The following TRPM5 variants were observed in gnomAD, a reference collection of about 807,000 sequenced individuals.
The protein encoded by TRPM5 is transient receptor potential cation channel subfamily M member 5.
Under a neutral mutation model 124.9 loss-of-function variants are expected in TRPM5, and 121 were observed. The observed-to-expected ratio is 0.97, with a 90% confidence interval of 0.84 to 1.13. TRPM5 has a LOEUF of 1.13. Among genes scored for constraint, TRPM5 ranks in the 50% most tolerant of loss-of-function variants. The pLI is 0.00. For synonymous variants in TRPM5, 781 were observed against 700.5 expected (o/e 1.11, Z -1.81); for missense variants, 1,643 against 1,589.1 (o/e 1.03, Z -0.58).
intron 14 of TRPM5, 55 bp downstream of exon 19, chr11:2,413,079 C>T: frequency 6.5e-7 from 1 of 1,541,578 alleles, no homozygotes; most frequent in Non-Finnish European, 8.8e-7. Context: ...AGAGTCCAGC[C>T]TCCCAGCCAC....
At chr11:2,423,405 G>T (rs1845799106), upstream of TRPM5, among the ~76,000 whole-genome samples, 1 of 152,194 alleles carries the variant, frequency 6.6e-6, no homozygotes, top group African/African-American at 2.4e-5. Flanking sequence ...CTTTTGTGGG[G>T]ATGACCTGGA....
chr11:2,433,225 C>T, the TRPM5 span, among the ~76,000 whole-genome samples: 524 of 152,384 alleles, frequency 3.4e-3, 2 homozygotes, highest in African/African-American at 0.012. Flanking sequence ...ATAGCAATGC[C>T]GCCATGAGGC....
the TRPM5 span, among the ~76,000 whole-genome samples, chr11:2,428,367 C>T: frequency 6.6e-6 from 1 of 152,188 alleles, no homozygotes; most frequent in Non-Finnish European, 1.5e-5. The surrounding 1 kb of genome is among the most constrained non-coding windows in gnomAD (Gnocchi z 4.0). Flanking sequence ...CCTCTCTAGT[C>T]TGGCCTGTCA....
In TRPM5 at chr11:2,413,332, G is replaced by A; in HGVS notation, c.2004-106C>T. 7 of 1,324,322 alleles carry A rather than the reference G, an allele frequency of 5.3e-6. No individual in the cohort carries two copies. In the South Asian group the frequency reaches 8.8e-5, roughly 17 times the overall value. The allele number at this position is 1,324,322 out of a possible 1,614,324, so 82.0% of individuals were successfully genotyped here. On this transcript the variant is annotated intron_variant, in intron 13 of 23. Coordinates refer to ENST00000155858, the Ensembl canonical transcript of TRPM5. Reference sequence around the variant, plus strand: ...GTGCCCACTGGGATGCAGGGGCTGTGGGGAGTGGGACCCGCAGGGAGGCTG... The same window carrying A: ...GTGCCCACTGGGATGCAGGGGCTGTAGGGAGTGGGACCCGCAGGGAGGCTG...
At chr11:2,420,826 G>A (rs1204882984) in intron 3 of TRPM5, among the ~76,000 whole-genome samples, 2 of 152,182 alleles carry the variant, frequency 1.3e-5, no homozygotes, top group African/African-American at 4.8e-5. Flanking sequence ...TGTGGTACAG[G>A]AGGGGGTGAG....
chr11:2,422,291 A>C, exon 2 of TRPM5: 2 of 1,611,674 alleles, frequency 1.2e-6, no homozygotes, highest in Non-Finnish European at 1.7e-6. Flanking sequence ...AAGAGCACAG[A>C]CGGGGCCACT....
rs1220640796 is a variant in TRPM5, at chr11:2,414,904, C to T, written c.1620+3G>A. 3.7e-6 allele frequency: 6 copies of T among 1,603,576 alleles called. No homozygotes were observed. The South Asian group carries it at 5.6e-5, about 15-fold the overall frequency. ...CCGCGCTGGGCCCGCGGCCTGGGCTCACCATGGCCCAGAAGTAGGTGGCCA... is the reference window on the plus strand; with the variant it reads ...CCGCGCTGGGCCCGCGGCCTGGGCTTACCATGGCCCAGAAGTAGGTGGCCA... On this transcript the variant is annotated splice_donor_region_variant and intron_variant, in intron 10 of 23. Transcript: ENST00000155858.
intron 18 of TRPM5, among the ~76,000 whole-genome samples, chr11:2,410,250 C>T (rs1040058573): frequency 4.6e-5 from 7 of 152,078 alleles, no homozygotes; most frequent in South Asian, 2.1e-4. Flanking sequence ...TCCATCACGG[C>T]GTCGCCCCCG....
At chr11:2,405,173 TG>T in intron 23 of TRPM5, 130 bp from the exon 29 acceptor site, 2 of 699,358 alleles carry the variant, frequency 2.9e-6, no homozygotes, top group Non-Finnish European at 4.8e-6. Flanking sequence ...CAGGCCAGCC[TG>T]GGGAAGATGG....
intron 4 of TRPM5, among the ~76,000 whole-genome samples, chr11:2,419,881 C>T (rs1462409840): frequency 1.3e-5 from 2 of 152,206 alleles, no homozygotes; most frequent in Admixed American, 1.3e-4. Flanking sequence ...CCTCTTTCAA[C>T]TCACGATCTC....
the TRPM5 span, among the ~76,000 whole-genome samples, chr11:2,440,670 C>T: frequency 6.6e-6 from 1 of 152,178 alleles, no homozygotes; most frequent in African/African-American, 2.4e-5. This position sits in a 1 kb window ranked among gnomAD's most constrained non-coding sequence, Gnocchi z 5.2. Context: ...CCCACCACTA[C>T]CTGGTGGTGA....
upstream of TRPM5, among the ~76,000 whole-genome samples, chr11:2,426,788 G>A (rs1845843956): frequency 6.6e-6 from 1 of 152,212 alleles, no homozygotes; most frequent in East Asian, 1.9e-4. Flanking sequence ...GAGGGTGCCA[G>A]AAAGGTCCCT....
the TRPM5 span, among the ~76,000 whole-genome samples, chr11:2,435,581 G>GTCCATCCATCCA: frequency 1.1e-4 from 16 of 150,110 alleles, no homozygotes; most frequent in East Asian, 9.8e-4. This position sits in a 1 kb window ranked among gnomAD's most constrained non-coding sequence, Gnocchi z 4.1. Flanking sequence ...CCATCTGTCT[G>GTCCATCCATCCA]TCCATCCATC....
chr11:2,404,954 G>A lies in TRPM5; in HGVS notation c.3481C>T (p.Pro1161Ser). 2.5e-6 allele frequency: 4 copies of A among 1,612,270 alleles called. No homozygotes were observed. The South Asian group carries it at 4.4e-5, about 18-fold the overall frequency. ...CAAGCAGCTCAGGTGTCCGAGGGAG[G>A]CTGGCCAGCCCCGGGTTGTTCCCAG... The change falls in exon 24 of 24, where the codon CCT becomes TCT. Residue 1161 changes from proline (P) to serine (S), a missense_variant. Physicochemically the swap from Pro to Ser is moderately conservative, Grantham distance 74 (BLOSUM62 -1). Transcript: ENST00000155858.
At chr11:2,414,009 G>GGGGGCGCCCCCCCCCCCCC in intron 12 of TRPM5, 52 bp downstream of exon 17, 6 of 1,023,730 alleles carry the variant, frequency 5.9e-6, no homozygotes, top group Non-Finnish European at 8.6e-6. Flanking sequence ...GGCCCAGCTC[G>GGGGGCGCCCCCCCCCCCCC]CCCGCCCACC....
upstream of TRPM5, among the ~76,000 whole-genome samples, chr11:2,426,302 GC>G (rs756315547): frequency 6.6e-6 from 1 of 152,106 alleles, no homozygotes; most frequent in African/African-American, 2.4e-5. Context: ...GGTGCCCCCC[GC>G]CCCCGCCGGC....
At chr11:2,421,033 T>A (rs764724661) in exon 3 of TRPM5, 3 of 1,539,624 alleles carry the variant, frequency 1.9e-6, no homozygotes, top group Non-Finnish European at 2.6e-6. Flanking sequence ...GACGTGCACC[T>A]GGGCCTCCTC....
intron 20 of TRPM5, 134 bp downstream of exon 25, chr11:2,406,983 GCA>G (rs1287564487): frequency 1.5e-6 from 2 of 1,314,096 alleles, no homozygotes; most frequent in East Asian, 2.5e-5. Flanking sequence ...GTGCCAGCCT[GCA>G]CAGAGCCCAG....
At chr11:2,427,887 C>A (rs950235028), upstream of TRPM5, among the ~76,000 whole-genome samples, 1 of 152,184 alleles carries the variant, frequency 6.6e-6, no homozygotes, top group African/African-American at 2.4e-5. Flanking sequence ...GGCAGAGGGA[C>A]TGTCTCCTCC....
Sources: allele counts gnomAD v4.1 joint callset (sites outside exome capture counted in the v4.1 genomes callset), GRCh38; gene constraint gnomAD v4.1.1; non-coding constraint Gnocchi (gnomAD v3.1); transcripts MANE v1.5; gene names NCBI Gene and HGNC (gene_info 2026-07-23, HGNC 2026-07-21).